Variants in AMPH observed in about 807,000 individuals in gnomAD.
AMPH encodes amphiphysin (Stiff-Mann syndrome with breast cancer 128kD autoantigen).
Under a neutral mutation model 99.1 loss-of-function variants are expected in AMPH, and 49 were observed. That is an observed-to-expected ratio of 0.49 (90% CI 0.39 to 0.63). AMPH has a LOEUF of 0.63. Among genes scored for constraint, AMPH ranks in the 20% least tolerant of loss-of-function variants. AMPH has a pLI of 0.00. For missense variants in AMPH, 759 were observed against 863.4 expected, an observed-to-expected ratio of 0.88 and a Z score of 1.52; for synonymous variants, 314 against 317.3, an observed-to-expected ratio of 0.99 and a Z score of 0.11.
intron 1 of AMPH, among the ~76,000 whole-genome samples, chr7:38,572,658 C>T (rs1404822085): frequency 2.0e-5 from 3 of 152,164 alleles, no homozygotes; most frequent in Non-Finnish European, 4.4e-5. Flanking sequence ...CACCAGAAGC[C>T]AGTCCATGGG....
At chr7:38,477,717 A>T (rs945178533) in intron 5 of AMPH, among the ~76,000 whole-genome samples, 1 of 151,978 alleles carries the variant, frequency 6.6e-6, no homozygotes, top group Non-Finnish European at 1.5e-5. Flanking sequence ...CAACCACAAA[A>T]ACAAAAAGCT....
chr7:38,508,172 G>A (rs1789402189), intron 2 of AMPH, among the ~76,000 whole-genome samples: 1 of 152,308 alleles, frequency 6.6e-6, no homozygotes, highest in Non-Finnish European at 1.5e-5. Flanking sequence ...ACTTAGGGCA[G>A]CAGCAACCAC....
Position 38,439,655 on chromosome 7 carries a change from G to T in AMPH, c.1018-3267C>A, listed in dbSNP as rs114163399. Among the ~76,000 whole-genome samples, 784 of 152,298 alleles carry T rather than the reference G, an allele frequency of 5.1e-3. 8 individuals carry two copies. Among genetic ancestry groups the T allele is most frequent in the African/African-American group, 0.018 (749 of 41,544 alleles). On this transcript the variant is annotated intron_variant, in intron 11 of 20. Transcript: ENST00000356264. Reference sequence around the variant, plus strand: ...TTCTTAGCTTTTTGGGAACTTGATTGTAAGTACTGCTTTACCATCAGAAAT... The same window carrying T: ...TTCTTAGCTTTTTGGGAACTTGATTTTAAGTACTGCTTTACCATCAGAAAT...
intron 4 of AMPH, 115 bp downstream of exon 4, chr7:38,494,318 C>T (rs1788841735): frequency 1.1e-6 from 1 of 889,514 alleles, no homozygotes; most frequent in Non-Finnish European, 1.9e-6. Context: ...ACAGTGCCTT[C>T]TGAGCACACT....
At chr7:38,593,160 A>G (rs1182039991) in intron 1 of AMPH, among the ~76,000 whole-genome samples, 1 of 152,228 alleles carries the variant, frequency 6.6e-6, no homozygotes, top group African/African-American at 2.4e-5. Flanking sequence ...ACATGATACA[A>G]ATGAAAGGCT....
chr7:38,505,350 C>CT (rs1277899470), intron 2 of AMPH, among the ~76,000 whole-genome samples: 2 of 152,074 alleles, frequency 1.3e-5, no homozygotes, highest in Non-Finnish European at 2.9e-5. Context: ...GAGTTAAGCT[C>CT]AGGTTATTTT....
chr7:38,630,630 A>G (rs554276019), intron 1 of AMPH, among the ~76,000 whole-genome samples: 34 of 152,350 alleles, frequency 2.2e-4, no homozygotes, highest in African/African-American at 7.9e-4. Flanking sequence ...TGGAGTCAAA[A>G]GGGACACAAA....
At chr7:38,550,203 G>C (rs1791131584) in intron 1 of AMPH, among the ~76,000 whole-genome samples, 1 of 152,104 alleles carries the variant, frequency 6.6e-6, no homozygotes, top group South Asian at 2.1e-4. Flanking sequence ...CTAAATCCTT[G>C]CCACTTAAAG....
chr7:38,407,408 C>A (rs983387792), intron 17 of AMPH, among the ~76,000 whole-genome samples: 3 of 150,528 alleles, frequency 2.0e-5, no homozygotes, highest in Non-Finnish European at 4.4e-5. Context: ...AGAAACTAAC[C>A]AGTGGATACA....
chr7:38,591,901 C>T (rs1028005237), intron 1 of AMPH, among the ~76,000 whole-genome samples: 3 of 152,314 alleles, frequency 2.0e-5, no homozygotes, highest in Middle Eastern at 6.8e-3. Context: ...GACCCTAACC[C>T]AGCAGCGCTA....
chr7:38,619,845 T>C (rs2129069970), intron 1 of AMPH, among the ~76,000 whole-genome samples: 1 of 152,322 alleles, frequency 6.6e-6, no homozygotes, highest in Admixed American at 6.5e-5. Flanking sequence ...AACAGAACTC[T>C]GGATACCATT....
At chr7:38,544,129 C>A (rs1241689580) in intron 1 of AMPH, among the ~76,000 whole-genome samples, 4 of 152,176 alleles carry the variant, frequency 2.6e-5, no homozygotes, top group Non-Finnish European at 4.4e-5. Context: ...TCTGACTAAC[C>A]ATATCATATT....
intron 11 of AMPH, among the ~76,000 whole-genome samples, chr7:38,448,944 C>T (rs1181082653): frequency 1.3e-5 from 2 of 152,034 alleles, no homozygotes; most frequent in Non-Finnish European, 2.9e-5. Flanking sequence ...TAGTGTAGCA[C>T]GTGGGTTTTG....
chr7:38,568,473 A>C (rs982911381), intron 1 of AMPH, among the ~76,000 whole-genome samples: 3 of 152,200 alleles, frequency 2.0e-5, no homozygotes, highest in Non-Finnish European at 2.9e-5. Flanking sequence ...TCCAAAAAAA[A>C]AGAATCCTTC....
intron 3 of AMPH, among the ~76,000 whole-genome samples, chr7:38,500,540 T>A (rs1789097046): frequency 6.6e-6 from 1 of 152,168 alleles, no homozygotes; most frequent in African/African-American, 2.4e-5. Context: ...AGGAAAAGAA[T>A]TATGCCAGTC....
At chr7:38,587,186 A>G (rs1022984034) in intron 1 of AMPH, among the ~76,000 whole-genome samples, 1 of 152,160 alleles carries the variant, frequency 6.6e-6, no homozygotes, top group African/African-American at 2.4e-5. Flanking sequence ...CAAATCAAGG[A>G]GCTGTGGCCA....
At chr7:38,554,265 C>T (rs1280753228) in intron 1 of AMPH, among the ~76,000 whole-genome samples, 1 of 152,208 alleles carries the variant, frequency 6.6e-6, no homozygotes, top group Non-Finnish European at 1.5e-5. Context: ...ATCTGAAGCT[C>T]AAGTAACTCC....
At chr7:38,499,887 G>T (rs1037005124) in intron 3 of AMPH, among the ~76,000 whole-genome samples, 2 of 152,132 alleles carry the variant, frequency 1.3e-5, no homozygotes, top group Non-Finnish European at 2.9e-5. Context: ...TGATAAAGGG[G>T]AGTTCCCCTG....
In AMPH at chr7:38,436,322, C is replaced by T. The variant is rs762186644; in HGVS notation, c.1084G>A (p.Glu362Lys). The T allele has an allele frequency of 1.2e-5, 19 of 1,614,174 alleles. No homozygotes were observed. Among genetic ancestry groups the T allele is most frequent in the Middle Eastern group, 1.6e-4 (1 of 6,062 alleles). The change falls in exon 12 of 21, where the codon GAG (glutamate) becomes AAG (lysine). Residue 362 changes from glutamate to lysine, a missense_variant. By Grantham distance (56) the Glu-to-Lys change is moderately conservative. Coordinates refer to ENST00000356264, the MANE Select transcript of AMPH (RefSeq NM_001635.4). ...LDLDFDPFKP[E>K]VTPAGSAGVT... ...CCAGCAGAACCTGCAGGTGTCACCT[C>T]GGGCTTGAAAGGATCAAAGTCCAGA...
Sources: allele counts gnomAD v4.1 joint callset (sites outside exome capture counted in the v4.1 genomes callset), GRCh38; gene constraint gnomAD v4.1.1; transcripts MANE v1.5; gene names NCBI Gene and HGNC (gene_info 2026-07-23, HGNC 2026-07-21).